Variants in PHACTR1 observed in about 807,000 individuals in gnomAD.
PHACTR1 encodes phosphatase and actin regulator 1.
In PHACTR1, 16 loss-of-function variants were observed where a neutral mutation model predicts 69.2. The observed-to-expected ratio is 0.23, with a 90% CI of 0.16 to 0.35. The LOEUF is 0.35. Among genes scored for constraint, PHACTR1 ranks in the 10% least tolerant of loss-of-function variants. The pLI, the probability that PHACTR1 is intolerant of heterozygous loss-of-function variation, is 1.00. For synonymous variants in PHACTR1, 312 were observed against 284.5 expected, an observed-to-expected ratio of 1.10 and a Z score of -0.97; for missense variants, 510 against 734.7, an observed-to-expected ratio of 0.69 and a Z score of 3.54.
At position 12,718,806 on chromosome 6, in the gene PHACTR1, T is replaced by A; in HGVS notation, c.62T>A (p.Val21Asp). Residue 21 changes from valine to aspartate, a missense_variant, in exon 3 of 15, where the codon GTT becomes GAT. Val to Asp is a radical substitution (Grantham distance 152). Transcript: ENST00000332995. Reference sequence around the variant, plus strand: ...GAGTCTGCTCACAGACTCTTGGATGTTGAGTCAGCTCAAAGATTCTTCTAC... The same window carrying A: ...GAGTCTGCTCACAGACTCTTGGATGATGAGTCAGCTCAAAGATTCTTCTAC... Reference protein sequence around the residue: ...DVESAHRLLDVESAQRFFYSQ... With the variant: ...DVESAHRLLDDESAQRFFYSQ... 6.4e-7 allele frequency: 1 copy of A among 1,573,466 alleles called. No homozygotes were observed.
intron 4 of PHACTR1, among the ~76,000 whole-genome samples, chr6:12,889,133 G>A (rs1364269956): frequency 2.0e-5 from 3 of 152,152 alleles, no homozygotes; most frequent in Non-Finnish European, 2.9e-5. Flanking sequence ...AATTAGCCAG[G>A]CATGGTGGCT....
intron 4 of PHACTR1, among the ~76,000 whole-genome samples, chr6:12,855,839 G>T (rs940072094): frequency 6.6e-6 from 1 of 152,126 alleles, no homozygotes; most frequent in Non-Finnish European, 1.5e-5. Context: ...TATTGGCTCA[G>T]AATCTGAAAA....
Position 13,287,018 on chromosome 6 carries a change from C to T in PHACTR1, c.1728-45C>T, listed in dbSNP as rs927118520. ...GGAGATTGGACTGTTGAATCCTGCA[C>T]CTTTGGCAGCCCCTTGGTCTTGATG... On this transcript the variant is annotated intron_variant, in intron 14 of 14. Transcript: ENST00000332995. 4 of 1,599,090 alleles carry T rather than the reference C, an allele frequency of 2.5e-6. No homozygotes were observed. The African/African-American group carries it at 4.0e-5, about 16-fold the overall frequency.
chr6:13,057,530 T>C (rs1806985224), intron 5 of PHACTR1, among the ~76,000 whole-genome samples: 1 of 152,248 alleles, frequency 6.6e-6, no homozygotes, highest in African/African-American at 2.4e-5. Context: ...GTTACATTTA[T>C]AATTTGCCAT....
intron 4 of PHACTR1, among the ~76,000 whole-genome samples, chr6:13,026,684 C>G (rs1317395377): frequency 6.6e-6 from 1 of 152,026 alleles, no homozygotes; most frequent in African/African-American, 2.4e-5. Context: ...AGGATGATAG[C>G]CCTTTCATCT....
At chr6:12,968,819 G>A (rs1227770798) in intron 4 of PHACTR1, among the ~76,000 whole-genome samples, 1 of 152,098 alleles carries the variant, frequency 6.6e-6, no homozygotes, top group Non-Finnish European at 1.5e-5. Flanking sequence ...ATTTCACCAG[G>A]GAGTTCTGCT....
chr6:13,064,642 A>C (rs1808337050), intron 5 of PHACTR1, among the ~76,000 whole-genome samples: 1 of 118,756 alleles, frequency 8.4e-6, no homozygotes. Context: ...CAGACTATGG[A>C]GGATTCACCA....
chr6:12,823,968 C>T (rs1776496699), intron 4 of PHACTR1, among the ~76,000 whole-genome samples: 1 of 152,134 alleles, frequency 6.6e-6, no homozygotes. Context: ...AGGTCCCCAA[C>T]CCCCGGGCCA....
intron 6 of PHACTR1, among the ~76,000 whole-genome samples, chr6:13,163,101 C>T (rs1272216951): frequency 1.3e-5 from 2 of 151,994 alleles, no homozygotes; most frequent in African/African-American, 2.4e-5. Context: ...AAAAATTTGT[C>T]GGGTGTGGTG....
At chr6:13,043,144 G>C (rs1051064240) in intron 4 of PHACTR1, among the ~76,000 whole-genome samples, 3 of 152,150 alleles carry the variant, frequency 2.0e-5, no homozygotes, top group Non-Finnish European at 2.9e-5. Flanking sequence ...GTGGCTGAAA[G>C]GGCTGGGCAT....
At chr6:12,976,190 G>C (rs1794860157) in intron 4 of PHACTR1, among the ~76,000 whole-genome samples, 1 of 152,196 alleles carries the variant, frequency 6.6e-6, no homozygotes, top group African/African-American at 2.4e-5. Context: ...GAACAAGAGA[G>C]CAGGATTGCC....
chr6:12,864,546 G>T (rs978587932), intron 4 of PHACTR1, among the ~76,000 whole-genome samples: 3 of 152,100 alleles, frequency 2.0e-5, no homozygotes, highest in Non-Finnish European at 1.5e-5. Context: ...CGGTCATGGT[G>T]GTGGGCACCT....
intron 5 of PHACTR1, among the ~76,000 whole-genome samples, chr6:13,064,321 A>G (rs897759105): frequency 6.6e-6 from 1 of 151,580 alleles, no homozygotes; most frequent in South Asian, 2.1e-4. Flanking sequence ...AGAATAAAAA[A>G]CCACTCTTGG....
intron 6 of PHACTR1, among the ~76,000 whole-genome samples, chr6:13,174,480 G>A (rs7771293): frequency 0.35 from 53,931 of 152,040 alleles, 10,041 homozygotes; most frequent in African/African-American, 0.43. Flanking sequence ...ATGATTTTTG[G>A]TCTAAAATTG....
intron 6 of PHACTR1, among the ~76,000 whole-genome samples, chr6:13,178,432 C>G (rs1761708385): frequency 6.6e-6 from 1 of 152,222 alleles, no homozygotes; most frequent in Non-Finnish European, 1.5e-5. Flanking sequence ...AGTGTTTTCT[C>G]AAAGCGTGGT....
At chr6:12,887,660 A>T (rs1471705873) in intron 4 of PHACTR1, among the ~76,000 whole-genome samples, 3 of 152,180 alleles carry the variant, frequency 2.0e-5, no homozygotes, top group African/African-American at 7.2e-5. Context: ...TGTGCCAGGC[A>T]TTACTCTAGG....
At chr6:13,177,314 A>G (rs1469312040) in intron 6 of PHACTR1, among the ~76,000 whole-genome samples, 1 of 151,554 alleles carries the variant, frequency 6.6e-6, no homozygotes, top group East Asian at 1.9e-4. Flanking sequence ...TGATGGAGCA[A>G]CACTCTGAGA....
chr6:13,117,805 T>C (rs1031619812), intron 5 of PHACTR1, among the ~76,000 whole-genome samples: 1 of 152,194 alleles, frequency 6.6e-6, no homozygotes, highest in Non-Finnish European at 1.5e-5. Context: ...CCCCTGGCGA[T>C]TGTAATCTCC....
At chr6:13,184,256 G>A (rs745827160) in intron 7 of PHACTR1, among the ~76,000 whole-genome samples, 4 of 152,194 alleles carry the variant, frequency 2.6e-5, no homozygotes, top group Non-Finnish European at 5.9e-5. Context: ...TCTGTACCCA[G>A]TGTCGCAGAT....
Sources: allele counts gnomAD v4.1 joint callset (sites outside exome capture counted in the v4.1 genomes callset), GRCh38; gene constraint gnomAD v4.1.1; transcripts MANE v1.5; gene names NCBI Gene and HGNC (gene_info 2026-07-23, HGNC 2026-07-21).